Variants in CNTN3 observed in about 807,000 individuals in gnomAD.
CNTN3 encodes contactin 3.
A neutral mutation model predicts 119.1 loss-of-function variants in CNTN3; 60 were observed. The ratio of observed to expected loss-of-function variants is 0.50; its 90% confidence interval spans 0.41 to 0.62. The LOEUF is 0.62. Ranked by LOEUF, CNTN3 falls within the 20% of genes least tolerant of loss-of-function variation. The probability of loss-of-function intolerance (pLI) is 0.00; values close to 1 mark genes in which losing one functional copy is unlikely to be tolerated. For synonymous variants in CNTN3, 450 were observed against 438.7 expected (o/e 1.03, Z -0.32); for missense variants, 1,101 against 1,242.4 (o/e 0.89, Z 1.71).
At chr3:74,311,646 T>C (rs1702687244) in intron 13 of CNTN3, among the ~76,000 whole-genome samples, 1 of 152,194 alleles carries the variant, frequency 6.6e-6, no homozygotes, top group Non-Finnish European at 1.5e-5. Context: ...CATGAACAGT[T>C]CCATCTCAAT....
At chr3:74,313,464 A>G (rs1041156770) in intron 13 of CNTN3, among the ~76,000 whole-genome samples, 4 of 152,228 alleles carry the variant, frequency 2.6e-5, no homozygotes, top group Non-Finnish European at 5.9e-5. Context: ...TTTTGTAAAA[A>G]GTGAAAATTT....
At chr3:74,445,051 A>G (rs1004933895) in intron 4 of CNTN3, among the ~76,000 whole-genome samples, 2 of 152,168 alleles carry the variant, frequency 1.3e-5, no homozygotes, top group Non-Finnish European at 2.9e-5. Flanking sequence ...TAAAGTATGT[A>G]GTGTCTAGAC....
chr3:74,455,348 C>A (rs2106959491), intron 4 of CNTN3, among the ~76,000 whole-genome samples: 1 of 152,132 alleles, frequency 6.6e-6, no homozygotes, highest in East Asian at 1.9e-4. Flanking sequence ...TGGCTTTCAG[C>A]TCCATCAGCT....
At chr3:74,465,278 C>A (rs568555828) in intron 4 of CNTN3, among the ~76,000 whole-genome samples, 1 of 152,174 alleles carries the variant, frequency 6.6e-6, no homozygotes, top group Admixed American at 6.6e-5. Context: ...AAATGATCCC[C>A]CAAGGAGTAT....
At chr3:74,293,128 T>C (rs1379860799) in intron 19 of CNTN3, among the ~76,000 whole-genome samples, 1 of 152,172 alleles carries the variant, frequency 6.6e-6, no homozygotes, top group African/African-American at 2.4e-5. Flanking sequence ...TTACAGATAG[T>C]TACTAAAAAT....
intron 1 of CNTN3, among the ~76,000 whole-genome samples, chr3:74,594,548 G>GT (rs1309758049): frequency 6.6e-6 from 1 of 151,698 alleles, no homozygotes; most frequent in African/African-American, 2.4e-5. Flanking sequence ...GCGGTGTTTG[G>GT]TTTTTTGTCC....
At chr3:74,264,600 G>T in intron 22 of CNTN3, 99 bp from the exon 23 acceptor site, 1 of 665,246 alleles carries the variant, frequency 1.5e-6, no homozygotes, top group Non-Finnish European at 2.5e-6. Context: ...CAAATTCTTT[G>T]TTGAAATCCT....
chr3:74,361,555 T>G (rs571727662), intron 11 of CNTN3, among the ~76,000 whole-genome samples: 17 of 152,310 alleles, frequency 1.1e-4, no homozygotes, highest in Non-Finnish European at 2.5e-4. Context: ...TTATACATCC[T>G]TCTCTTCTTT....
At chr3:74,340,294 G>A (rs1026738502) in intron 11 of CNTN3, among the ~76,000 whole-genome samples, 2 of 152,118 alleles carry the variant, frequency 1.3e-5, no homozygotes, top group African/African-American at 4.8e-5. Flanking sequence ...TAAGGCAATA[G>A]AAGACTGAAT....
At chr3:74,463,201 T>C (rs1702403308) in intron 4 of CNTN3, among the ~76,000 whole-genome samples, 1 of 152,174 alleles carries the variant, frequency 6.6e-6, no homozygotes, top group South Asian at 2.1e-4. Flanking sequence ...GTCTAGACTT[T>C]GCTAATTTGT....
rs537964514 is a variant in CNTN3, at chr3:74,509,545, C to A, written c.56-9760G>T. 4.1e-4 allele frequency among the ~76,000 whole-genome samples: 63 copies of A among 152,256 alleles called. No homozygotes were observed. In the Middle Eastern group the frequency reaches 0.01, roughly 25 times the overall value. ...ACTCCTGACCTCGTGATCCACCCACCTTGGCTTCCCAAAGTGCTGGGTTAC... is the reference window on the plus strand; with the variant it reads ...ACTCCTGACCTCGTGATCCACCCACATTGGCTTCCCAAAGTGCTGGGTTAC... On this transcript the variant is annotated intron_variant, in intron 2 of 22. Transcript: ENST00000263665.
intron 1 of CNTN3, among the ~76,000 whole-genome samples, chr3:74,597,910 G>A (rs564814479): frequency 7.9e-5 from 12 of 151,988 alleles, no homozygotes; most frequent in Non-Finnish European, 1.6e-4. Flanking sequence ...TAAATCAAAA[G>A]ACATCAGATA....
chr3:74,342,532 T>C lies in CNTN3; in HGVS notation c.1365-5874A>G, dbSNP rs552488328. ...GATTCTGTTGAACATACACATTCTA[T>C]GGAACAGACACCTAGAGAAGATGGA... On this transcript the variant is annotated intron_variant, in intron 11 of 22. Transcript: ENST00000263665. 2.8e-4 allele frequency among the ~76,000 whole-genome samples: 42 copies of C among 152,260 alleles called. 2 individuals are homozygous for C. The highest frequency in any genetic ancestry group is 8.7e-4 in the African/African-American group (36 of 41,554).
At chr3:74,584,397 G>A (rs1704561457) in intron 1 of CNTN3, among the ~76,000 whole-genome samples, 1 of 152,158 alleles carries the variant, frequency 6.6e-6, no homozygotes, top group Non-Finnish European at 1.5e-5. Context: ...GGGACCTAGT[G>A]TGGAGTGTTT....
intron 5 of CNTN3, among the ~76,000 whole-genome samples, chr3:74,391,421 A>T (rs1704897802): frequency 6.6e-6 from 1 of 152,148 alleles, no homozygotes; most frequent in Non-Finnish European, 1.5e-5. Flanking sequence ...TATGTTCCCA[A>T]CTGTAACATG....
At chr3:74,489,966 C>T (rs1216179021) in intron 3 of CNTN3, among the ~76,000 whole-genome samples, 1 of 152,160 alleles carries the variant, frequency 6.6e-6, no homozygotes, top group African/African-American at 2.4e-5. Context: ...GCAAACCCAT[C>T]TGTCCCCTTT....
intron 5 of CNTN3, among the ~76,000 whole-genome samples, chr3:74,394,991 T>A (rs1705010185): frequency 6.6e-6 from 1 of 152,182 alleles, no homozygotes; most frequent in Non-Finnish European, 1.5e-5. Context: ...ATGAACAAAT[T>A]AATAAGATAA....
chr3:74,479,490 GA>G (rs1421577290), intron 4 of CNTN3, among the ~76,000 whole-genome samples: 3 of 152,100 alleles, frequency 2.0e-5, no homozygotes, highest in Non-Finnish European at 2.9e-5. Flanking sequence ...CATTCTGAAA[GA>G]AAAAGATTTG....
chr3:74,594,273 CTTTTTTTT>C (rs59436860), intron 1 of CNTN3, among the ~76,000 whole-genome samples: 14 of 112,090 alleles, frequency 1.2e-4, no homozygotes, highest in African/African-American at 3.3e-4. Flanking sequence ...TTCTTTTTTT[CTTTTTTTT>C]TTTTTTTTTA....
Sources: allele counts gnomAD v4.1 joint callset (sites outside exome capture counted in the v4.1 genomes callset), GRCh38; gene constraint gnomAD v4.1.1; transcripts MANE v1.5; gene names NCBI Gene and HGNC (gene_info 2026-07-23, HGNC 2026-07-21).